Variants in HPSE2 observed in about 807,000 individuals in gnomAD.
HPSE2 encodes the protein heparanase 2 (inactive), also known as inactive heparanase-2.
HPSE2 carries 38 observed loss-of-function variants against 60.5 expected under a neutral mutation model. That is an observed-to-expected ratio of 0.63 (90% confidence interval 0.48 to 0.82). The LOEUF (loss-of-function observed/expected upper bound fraction) is 0.82. Among genes scored for constraint, HPSE2 ranks in the 40% least tolerant of loss-of-function variants. The probability of loss-of-function intolerance (pLI) is 0.00; values close to 1 mark genes in which losing one functional copy is unlikely to be tolerated. For synonymous variants in HPSE2, 295 were observed against 293.2 expected (o/e 1.01, Z -0.06); for missense variants, 713 against 740.4 (o/e 0.96, Z 0.43).
At chr10:98,895,530 T>C (rs947568841) in intron 3 of HPSE2, among the ~76,000 whole-genome samples, 24 of 152,264 alleles carry the variant, frequency 1.6e-4, no homozygotes, top group African/African-American at 5.8e-4. Flanking sequence ...TAATTCTAAG[T>C]ACTCTGATCT....
In HPSE2 at chr10:98,459,823, C is replaced by T; in HGVS notation, c.1614-84G>A. The T allele has an allele frequency of 2.3e-6, 3 of 1,308,840 alleles. No individual in the cohort carries two copies. In the South Asian group the frequency reaches 3.8e-5, roughly 17 times the overall value. The allele number at this position is 1,308,840 out of a possible 1,614,324, so 81.1% of individuals were successfully genotyped here. On this transcript the variant is annotated intron_variant, in intron 11 of 11. Coordinates refer to ENST00000370552, the MANE Select transcript of HPSE2 (RefSeq NM_021828.5). ...CAAAGCCTAGCCCCAGATGGCCTGG[C>T]AGTGTCTGATACACACACACAGCTG...
chr10:99,036,381 A>G (rs1002047756), intron 3 of HPSE2, among the ~76,000 whole-genome samples: 1 of 152,176 alleles, frequency 6.6e-6, no homozygotes, highest in African/African-American at 2.4e-5. Context: ...GCTCAAAACA[A>G]TAAGAATGAG....
chr10:99,193,820 T>C (rs561672342), intron 2 of HPSE2, among the ~76,000 whole-genome samples: 9 of 151,752 alleles, frequency 5.9e-5, no homozygotes, highest in Non-Finnish European at 7.4e-5. Context: ...ATGAGAGAGA[T>C]AGACTCCAAT....
intron 3 of HPSE2, among the ~76,000 whole-genome samples, chr10:99,060,813 G>T (rs926781721): frequency 1.1e-4 from 16 of 151,992 alleles, no homozygotes; most frequent in African/African-American, 2.9e-4. Context: ...AATGGAACTG[G>T]AGGTCATTAG....
intron 3 of HPSE2, among the ~76,000 whole-genome samples, chr10:98,927,245 T>C (rs1414463007): frequency 6.6e-6 from 1 of 152,150 alleles, no homozygotes; most frequent in Non-Finnish European, 1.5e-5. Context: ...AGTCTAAGCC[T>C]CTTTGTAGGT....
At chr10:98,970,742 C>A (rs1955932208) in intron 3 of HPSE2, among the ~76,000 whole-genome samples, 1 of 152,036 alleles carries the variant, frequency 6.6e-6, no homozygotes, top group South Asian at 2.1e-4. Context: ...AGCTTTATTT[C>A]AAGATCAGAA....
At chr10:98,973,498 G>A (rs554433566) in intron 3 of HPSE2, among the ~76,000 whole-genome samples, 3 of 152,252 alleles carry the variant, frequency 2.0e-5, no homozygotes, top group African/African-American at 7.2e-5. Flanking sequence ...AGAATTTCCT[G>A]CCTGCAAACA....
chr10:99,165,529 G>GTATTTATTTATT (rs71009726), intron 2 of HPSE2, among the ~76,000 whole-genome samples: 3,953 of 144,038 alleles, frequency 0.027, 184 homozygotes, highest in African/African-American at 0.089. Flanking sequence ...ATTTATTTAC[G>GTATTTATTTATT]TATTTATTTA....
chr10:98,693,980 ACTT>A, intron 5 of HPSE2, 33 bp from the exon 6 acceptor site: 5 of 1,531,216 alleles, frequency 3.3e-6, no homozygotes, highest in African/African-American at 1.4e-5. Context: ...AGATATTACA[ACTT>A]AGATTAAACC....
chr10:99,301,901 C>T, the HPSE2 span, among the ~76,000 whole-genome samples: 11 of 151,708 alleles, frequency 7.3e-5, no homozygotes, highest in African/African-American at 2.2e-4. Flanking sequence ...TAACTCTTAA[C>T]GTATGTAAAA....
chr10:99,234,834 G>T (rs1471846852), intron 1 of HPSE2, among the ~76,000 whole-genome samples: 5 of 151,856 alleles, frequency 3.3e-5, no homozygotes. Context: ...AGTTACCGCA[G>T]GAGATTTAAG....
chr10:98,726,653 T>TAA (rs1949090911), intron 4 of HPSE2, among the ~76,000 whole-genome samples: 1 of 147,750 alleles, frequency 6.8e-6, no homozygotes. Context: ...ATAATAATAA[T>TAA]AATAATAATA....
At chr10:99,265,537 G>A in the HPSE2 span, among the ~76,000 whole-genome samples, 1,169 of 152,266 alleles carry the variant, frequency 7.7e-3, 11 homozygotes, top group African/African-American at 0.024. Flanking sequence ...CATGGCACAC[G>A]TTTACCTATG....
intron 2 of HPSE2, among the ~76,000 whole-genome samples, chr10:99,225,055 C>A (rs955321028): frequency 1.3e-5 from 2 of 151,828 alleles, no homozygotes; most frequent in African/African-American, 4.8e-5. Context: ...TCAGGGCCTG[C>A]GTACAAAATT....
Position 98,931,834 on chromosome 10 carries a change from C to A in HPSE2, c.611-187778G>T, listed in dbSNP as rs147038614. Among the ~76,000 whole-genome samples, 13 of 143,994 alleles carry A rather than the reference C, an allele frequency of 9.0e-5. 1 individual carries two copies. The East Asian group carries it at 2.6e-3, about 28-fold the overall frequency. 94.5% of individuals were successfully genotyped at this position (143,994 alleles called of 152,430 possible). A position where few individuals can be genotyped will look rare whatever the true frequency, so the allele number is the denominator to read the frequency against. On this transcript the variant is annotated intron_variant, in intron 3 of 11. Transcript: ENST00000370552. ...ATTGATTTTATATCCTGAGACTTTG[C>A]TAAAGTTGCATATCAGCTTAAGAAC...
At chr10:98,953,929 C>T (rs1184387885) in intron 3 of HPSE2, among the ~76,000 whole-genome samples, 3 of 152,164 alleles carry the variant, frequency 2.0e-5, no homozygotes, top group Admixed American at 6.5e-5. Context: ...AATCAAAATG[C>T]TGATTATACT....
At chr10:99,313,592 ATTT>A in the HPSE2 span, among the ~76,000 whole-genome samples, 19 of 84,640 alleles carry the variant, frequency 2.2e-4, no homozygotes, top group African/African-American at 8.4e-4. Context: ...ACTGACTCCA[ATTT>A]TTTTTTTTTT....
At chr10:98,480,529 G>C (rs912501533) in intron 11 of HPSE2, among the ~76,000 whole-genome samples, 7 of 152,154 alleles carry the variant, frequency 4.6e-5, no homozygotes, top group Non-Finnish European at 1.0e-4. Flanking sequence ...CAGGGGTTAA[G>C]GTATGGCCAG....
At chr10:98,892,739 T>G (rs1353544083) in intron 3 of HPSE2, among the ~76,000 whole-genome samples, 3 of 152,172 alleles carry the variant, frequency 2.0e-5, no homozygotes, top group Non-Finnish European at 4.4e-5. Context: ...GTCTCTCACT[T>G]CCCCTGAATG....
Sources: allele counts gnomAD v4.1 joint callset (sites outside exome capture counted in the v4.1 genomes callset), GRCh38; gene constraint gnomAD v4.1.1; transcripts MANE v1.5; gene names NCBI Gene and HGNC (gene_info 2026-07-23, HGNC 2026-07-21).